Variants in HSD17B2 observed in about 807,000 individuals in gnomAD.
HSD17B2 encodes hydroxysteroid 17-beta dehydrogenase 2, also known as 17-beta-hydroxysteroid dehydrogenase type 2.
In HSD17B2, 32 loss-of-function variants were observed where a neutral mutation model predicts 26.9. The ratio of observed to expected loss-of-function variants is 1.19; its 90% CI spans 0.90 to 1.60. The LOEUF is 1.60. Ranked by LOEUF, HSD17B2 falls within the 40% of genes most tolerant of loss-of-function variation. The probability of loss-of-function intolerance (pLI) is 0.00; values close to 1 mark genes in which losing one functional copy is unlikely to be tolerated. For synonymous variants in HSD17B2, 246 were observed against 186.7 expected, an observed-to-expected ratio of 1.32 and a Z score of -2.59; for missense variants, 613 against 468.6, an observed-to-expected ratio of 1.31 and a Z score of -2.85.
At chr16:82,046,040 C>A (rs1056113220) in intron 1 of HSD17B2, among the ~76,000 whole-genome samples, 1 of 152,220 alleles carries the variant, frequency 6.6e-6, no homozygotes, top group Non-Finnish European at 1.5e-5. Flanking sequence ...AGGGCATTAC[C>A]TCTTAGGTGG....
intron 3 of HSD17B2, among the ~76,000 whole-genome samples, chr16:82,074,784 A>G (rs1340990639): frequency 2.0e-5 from 3 of 152,240 alleles, no homozygotes; most frequent in South Asian, 4.1e-4. Context: ...TCAGCTTTGG[A>G]TAGATCATCC....
intron 3 of HSD17B2, among the ~76,000 whole-genome samples, chr16:82,086,253 A>G (rs1221887784): frequency 4.6e-5 from 7 of 152,218 alleles, no homozygotes; most frequent in African/African-American, 1.7e-4. Context: ...ATCACTGGCT[A>G]AATAAAATGT....
intron 1 of HSD17B2, among the ~76,000 whole-genome samples, chr16:82,045,863 T>C (rs1207015056): frequency 1.3e-5 from 2 of 152,270 alleles, no homozygotes; most frequent in Admixed American, 6.5e-5. Context: ...TAGCCTCTTG[T>C]GTTTTCTCTC....
chr16:82,075,670 G>A (rs1286406158), intron 3 of HSD17B2, among the ~76,000 whole-genome samples: 1 of 152,004 alleles, frequency 6.6e-6, no homozygotes, highest in African/African-American at 2.4e-5. Context: ...AACCATGAAG[G>A]AATCCATAAC....
Position 82,090,846 on chromosome 16 carries a change from G to T in HSD17B2, c.665-56G>T, listed in dbSNP as rs571330043. The stretch of plus-strand genomic sequence containing the variant: ...AGTAGACACTGATTAAATATTTATT[G>T]GATGAACAAATGAACATTTCTAACT... On this transcript the variant is annotated intron_variant, in intron 3 of 4. Coordinates refer to ENST00000199936, the MANE Select transcript of HSD17B2 (RefSeq NM_002153.3). 8.1e-5 allele frequency: 120 copies of T among 1,489,018 alleles called. No homozygotes were observed. In the African/African-American group the frequency reaches 1.4e-3, roughly 18 times the overall value. 92.2% of individuals were successfully genotyped at this position (1,489,018 alleles called of 1,614,324 possible).
intron 3 of HSD17B2, among the ~76,000 whole-genome samples, chr16:82,084,999 T>A (rs764570383): frequency 6.6e-6 from 1 of 152,240 alleles, no homozygotes; most frequent in African/African-American, 2.4e-5. Context: ...ATTGGGATCA[T>A]AGGCATGAGC....
chr16:82,071,629 G>A (rs979058945), intron 3 of HSD17B2: 16 of 216,110 alleles, frequency 7.4e-5, no homozygotes, highest in African/African-American at 3.7e-4. Context: ...GTCAGGATGT[G>A]ATGACACTGG....
chr16:82,041,789 C>T (rs768357533), intron 1 of HSD17B2, among the ~76,000 whole-genome samples: 39 of 152,166 alleles, frequency 2.6e-4, no homozygotes, highest in Non-Finnish European at 5.1e-4. Flanking sequence ...TGGCTGCATT[C>T]TCTACCCAGC....
At chr16:82,089,353 C>A (rs2142365432) in intron 3 of HSD17B2, among the ~76,000 whole-genome samples, 1 of 152,232 alleles carries the variant, frequency 6.6e-6, no homozygotes, top group Middle Eastern at 3.4e-3. Flanking sequence ...CTACAGTTTG[C>A]TTATCCATTC....
At chr16:82,044,633 C>G (rs141718624) in intron 1 of HSD17B2, 1 of 152,254 alleles carries the variant, frequency 6.6e-6, no homozygotes, top group Admixed American at 6.5e-5. Context: ...GACCTTTGCA[C>G]CAGGCAAAAT....
intron 2 of HSD17B2, among the ~76,000 whole-genome samples, chr16:82,068,829 A>T (rs954723175): frequency 1.3e-5 from 2 of 151,954 alleles, no homozygotes; most frequent in Non-Finnish European, 2.9e-5. Context: ...CTCACCTTCA[A>T]TTTGCCGTTG....
At position 82,092,747 on chromosome 16, in the gene HSD17B2, G is replaced by C. The variant is rs1468944321; in HGVS notation, c.802+1708G>C. On this transcript the variant is annotated intron_variant, in intron 4 of 4. Coordinates refer to ENST00000199936, the MANE Select transcript of HSD17B2 (RefSeq NM_002153.3). ...GTTGGGAGGAGAATTGAGGAGAGGA[G>C]ATGGAGAAGAGACATGGGTCAGAGG... 2.0e-5 allele frequency: 3 copies of C among 152,296 alleles called. No homozygotes were observed. The East Asian group carries it at 5.8e-4, about 29-fold the overall frequency. The allele number at this position is 152,296 out of a possible 1,614,324, so 9.4% of individuals were successfully genotyped here. A position where few individuals can be genotyped will look rare whatever the true frequency, so the allele number is the denominator to read the frequency against.
In HSD17B2 at chr16:82,090,898, A is replaced by G; in HGVS notation, c.665-4A>G. The G allele has an allele frequency of 6.2e-7, 1 of 1,606,406 alleles. No individual in the cohort carries two copies. Among genetic ancestry groups the G allele is most frequent in the Non-Finnish European group, 8.5e-7 (1 of 1,177,156 alleles). Reference sequence around the variant, plus strand: ...TGCTTCTTTTTCTCCCATTATTCCCATAGGAGGGGCCCCAATGGAAAGGCT... The same window carrying G: ...TGCTTCTTTTTCTCCCATTATTCCCGTAGGAGGGGCCCCAATGGAAAGGCT... On this transcript the variant is annotated splice_polypyrimidine_tract_variant and splice_region_variant and intron_variant, in intron 3 of 4. Transcript: ENST00000199936.
chr16:82,084,335 C>T (rs1051906403), intron 3 of HSD17B2, among the ~76,000 whole-genome samples: 1 of 152,028 alleles, frequency 6.6e-6, no homozygotes, highest in Admixed American at 6.6e-5. Flanking sequence ...TAGCACCCAC[C>T]CCTAATTGTG....
chr16:82,070,771 C>T (rs1384413562), intron 2 of HSD17B2, 171 bp from the exon 3 acceptor site: 9 of 602,074 alleles, frequency 1.5e-5, no homozygotes, highest in East Asian at 8.3e-5. Flanking sequence ...AATTCCCCTC[C>T]CACTCCCACT....
intron 4 of HSD17B2, 114 bp from the exon 5 acceptor site, chr16:82,097,960 AT>A: frequency 6.8e-5 from 63 of 928,614 alleles, no homozygotes; most frequent in Non-Finnish European, 9.0e-5. Flanking sequence ...AAATAAAAAA[AT>A]AAATAAATAA....
intron 3 of HSD17B2, among the ~76,000 whole-genome samples, chr16:82,082,044 A>G (rs932838737): frequency 2.0e-5 from 3 of 152,218 alleles, no homozygotes; most frequent in African/African-American, 7.2e-5. Context: ...GAGCTGAACA[A>G]TAAGAGCTTC....
intron 1 of HSD17B2, among the ~76,000 whole-genome samples, chr16:82,043,615 C>T (rs987915415): frequency 1.7e-5 from 2 of 120,058 alleles, no homozygotes; most frequent in Non-Finnish European, 3.1e-5. Context: ...ACCCAGGAAG[C>T]GGAGCTTGCA....
intron 3 of HSD17B2, among the ~76,000 whole-genome samples, chr16:82,089,202 G>A (rs1181714510): frequency 6.6e-6 from 1 of 152,174 alleles, no homozygotes; most frequent in African/African-American, 2.4e-5. Flanking sequence ...AACTTTACAT[G>A]AAGGGAATTA....
Sources: gnomAD v4.1 joint callset for allele counts (sites outside exome capture counted in the v4.1 genomes callset) on GRCh38, gnomAD v4.1.1 for gene constraint, MANE v1.5 for transcripts, NCBI Gene and HGNC (gene_info 2026-07-23, HGNC 2026-07-21) for gene names.